The following TLE1 variants were observed in gnomAD, a reference collection of about 807,000 sequenced individuals.
TLE1 encodes TLE family member 1, transcriptional corepressor.
TLE1 carries 21 observed loss-of-function variants against 89.8 expected under a neutral mutation model. The ratio of observed to expected loss-of-function variants is 0.23; its 90% CI spans 0.17 to 0.34. The LOEUF is 0.34. TLE1 is among the 10% of genes least tolerant of loss of function. TLE1 has a pLI of 1.00. For synonymous variants in TLE1, 447 were observed against 407.6 expected (o/e 1.10, Z -1.16); for missense variants, 795 against 1,031.2 (o/e 0.77, Z 3.14).
chr9:81,684,024 C>T (rs1833947081), intron 4 of TLE1, among the ~76,000 whole-genome samples: 1 of 151,930 alleles, frequency 6.6e-6, no homozygotes, highest in East Asian at 1.9e-4. Context: ...AGGTGGTGTT[C>T]CCTTGTAAAA....
chr9:81,666,706 C>T (rs577642178), intron 4 of TLE1, among the ~76,000 whole-genome samples: 2 of 151,640 alleles, frequency 1.3e-5, no homozygotes, highest in East Asian at 1.9e-4. Context: ...ACCCGGGAAG[C>T]GGAGGTTGCA....
intron 14 of TLE1, among the ~76,000 whole-genome samples, chr9:81,603,869 G>T (rs1214367188): frequency 3.3e-5 from 5 of 152,258 alleles, no homozygotes; most frequent in African/African-American, 1.2e-4. Context: ...GGACATGGCG[G>T]TGTACGCTTG....
intron 6 of TLE1, among the ~76,000 whole-genome samples, chr9:81,650,685 GTAACAGTC>G (rs1829426877): frequency 6.6e-6 from 1 of 152,026 alleles, no homozygotes; most frequent in East Asian, 1.9e-4. Context: ...AGCCCACTAA[GTAACAGTC>G]AAAAATGTGA....
chr9:81,596,120 C>T (rs571407275), intron 14 of TLE1, among the ~76,000 whole-genome samples: 7 of 152,246 alleles, frequency 4.6e-5, no homozygotes, highest in Non-Finnish European at 1.0e-4. Context: ...AATAGATGCA[C>T]CGAGTAACAG....
rs776699132 is a variant in TLE1 at position 81,620,460 on chromosome 9, T to A, written c.692A>T (p.Asp231Val). Residue 231 changes from aspartate (D) to valine (V), a missense_variant, in exon 9 of 20, where the codon GAT becomes GTT. Around this residue, in one of 4 missense-constraint regions of TLE1, gnomAD observed 468 missense variants for 509.1 expected, o/e 0.92. Transcript: ENST00000376499. ...ACTTACATAGTGGCTGGAGTCCTTATCATCCACCTTCCTTTTCTTGATGTC... is the reference window on the plus strand; with the variant it reads ...ACTTACATAGTGGCTGGAGTCCTTAACATCCACCTTCCTTTTCTTGATGTC... ...SNDIKKRKVD[D>V]KDSSHYDSDG... The A allele has an allele frequency of 1.2e-6, 2 of 1,614,000 alleles. No homozygotes were observed. The highest frequency in any genetic ancestry group is 2.2e-5 in the South Asian group (2 of 91,056).
At chr9:81,647,285 A>G (rs1399136657) in intron 6 of TLE1, among the ~76,000 whole-genome samples, 2 of 152,200 alleles carry the variant, frequency 1.3e-5, no homozygotes, top group East Asian at 3.8e-4. Flanking sequence ...TTGTGCCAAC[A>G]ATGACACTAT....
intron 6 of TLE1, among the ~76,000 whole-genome samples, chr9:81,635,239 CA>C (rs1827222203): frequency 1.3e-5 from 2 of 152,104 alleles, no homozygotes; most frequent in Non-Finnish European, 2.9e-5. Flanking sequence ...CTCCACAACT[CA>C]AACCCACTCT....
chr9:81,646,469 G>C (rs1217492182), intron 6 of TLE1, among the ~76,000 whole-genome samples: 1 of 152,094 alleles, frequency 6.6e-6, no homozygotes, highest in Non-Finnish European at 1.5e-5. Flanking sequence ...TCGGTAGCAG[G>C]ATATGCATTA....
At chr9:81,643,220 G>A (rs1035156557) in intron 6 of TLE1, among the ~76,000 whole-genome samples, 1 of 150,042 alleles carries the variant, frequency 6.7e-6, no homozygotes, top group African/African-American at 2.4e-5. Context: ...GGTACTTTGT[G>A]GTGTGTTTGT....
At chr9:81,610,815 A>G (rs1268766216) in intron 13 of TLE1, among the ~76,000 whole-genome samples, 1 of 151,504 alleles carries the variant, frequency 6.6e-6, no homozygotes, top group Non-Finnish European at 1.5e-5. Flanking sequence ...AAGGGACAAA[A>G]TCATCCCCAG....
chr9:81,605,125 C>G (rs1307018592), intron 14 of TLE1, among the ~76,000 whole-genome samples: 1 of 152,192 alleles, frequency 6.6e-6, no homozygotes, highest in Non-Finnish European at 1.5e-5. Flanking sequence ...CTGCCTCACC[C>G]AAGCATTCTT....
chr9:81,687,194 T>G, intron 2 of TLE1, 140 bp downstream of exon 2: 1 of 631,962 alleles, frequency 1.6e-6, no homozygotes, highest in East Asian at 2.8e-5. Flanking sequence ...AGGGGGTAAC[T>G]TGAATGACAG....
chr9:81,625,181 C>CA (rs1246600791), intron 8 of TLE1, among the ~76,000 whole-genome samples: 1 of 152,172 alleles, frequency 6.6e-6, no homozygotes, highest in African/African-American at 2.4e-5. Context: ...CTCTCTCTCT[C>CA]ACGAAAATCT....
intron 14 of TLE1, among the ~76,000 whole-genome samples, chr9:81,593,526 A>G (rs950389167): frequency 6.6e-6 from 1 of 152,200 alleles, no homozygotes; most frequent in Non-Finnish European, 1.5e-5. Context: ...AGGGTTTTAA[A>G]TTGTTCTTAC....
At chr9:81,628,995 C>G (rs1331431379) in intron 8 of TLE1, among the ~76,000 whole-genome samples, 1 of 152,108 alleles carries the variant, frequency 6.6e-6, no homozygotes, top group Non-Finnish European at 1.5e-5. Context: ...GAGTCTCCTC[C>G]AGAGTCTCCT....
At chr9:81,603,797 T>C (rs1181630837) in intron 14 of TLE1, among the ~76,000 whole-genome samples, 1 of 152,260 alleles carries the variant, frequency 6.6e-6, no homozygotes, top group African/African-American at 2.4e-5. Context: ...AGGTTATGAA[T>C]TCAAGACCAG....
chr9:81,593,762 TA>T (rs1412300623), intron 14 of TLE1, among the ~76,000 whole-genome samples: 3 of 152,212 alleles, frequency 2.0e-5, no homozygotes, highest in Non-Finnish European at 2.9e-5. Context: ...AACAGCTTTC[TA>T]AAAATACCAG....
intron 11 of TLE1, 72 bp from the exon 12 acceptor site, chr9:81,613,593 C>T: frequency 6.4e-7 from 1 of 1,554,806 alleles, no homozygotes; most frequent in African/African-American, 1.4e-5. Context: ...ATCACAACAG[C>T]AGCTGGGACA....
chr9:81,620,687 C>T (rs549369758), intron 8 of TLE1, 130 bp from the exon 9 acceptor site: 1 of 1,471,374 alleles, frequency 6.8e-7, no homozygotes, highest in Admixed American at 2.6e-5. Flanking sequence ...TAATTCATCT[C>T]ATCTAAAGAC....
Sources: gnomAD v4.1 joint callset for allele counts (sites outside exome capture counted in the v4.1 genomes callset) on GRCh38, gnomAD v4.1.1 for gene constraint, gnomAD v4.1.1 regional missense constraint, MANE v1.5 for transcripts, NCBI Gene and HGNC (gene_info 2026-07-23, HGNC 2026-07-21) for gene names.